LEPR: variants seen among roughly 807,000 people sequenced by gnomAD.
LEPR encodes the protein OB receptor.
LEPR carries 56 observed loss-of-function variants against 114.7 expected under a neutral mutation model. The ratio of observed to expected loss-of-function variants is 0.49; its 90% CI spans 0.39 to 0.61. The LOEUF is 0.61. Ranked by LOEUF, LEPR falls within the 20% of genes least tolerant of loss-of-function variation. The pLI, the probability that LEPR is intolerant of heterozygous loss-of-function variation, is 0.00. For missense variants in LEPR, 1,202 were observed against 1,352.9 expected, an observed-to-expected ratio of 0.89 and a Z score of 1.75; for synonymous variants, 443 against 461.4, an observed-to-expected ratio of 0.96 and a Z score of 0.51.
At chr1:65,484,443 G>A (rs1306387378) in intron 2 of LEPR, among the ~76,000 whole-genome samples, 2 of 151,668 alleles carry the variant, frequency 1.3e-5, no homozygotes, top group Non-Finnish European at 2.9e-5. Context: ...TTAAACTAAT[G>A]ATTTGCTTTC....
At chr1:65,557,442 C>T (rs1652890889) in intron 2 of LEPR, among the ~76,000 whole-genome samples, 1 of 152,098 alleles carries the variant, frequency 6.6e-6, no homozygotes, top group African/African-American at 2.4e-5. Flanking sequence ...TTTATTTAGA[C>T]AGAGTCTCAC....
intron 1 of LEPR, among the ~76,000 whole-genome samples, chr1:65,422,545 A>T (rs1570408952): frequency 6.6e-6 from 1 of 152,224 alleles, no homozygotes; most frequent in African/African-American, 2.4e-5. Context: ...TGCAGGTGGG[A>T]TTGATTCCCC....
chr1:65,592,608 C>T (rs1655782451), intron 5 of LEPR, 49 bp from the exon 6 acceptor site: 1 of 1,591,494 alleles, frequency 6.3e-7, no homozygotes, highest in Admixed American at 1.7e-5. Context: ...AAAGCCTATC[C>T]AGTATTTTCA....
At chr1:65,579,669 A>G (rs1356893241) in intron 5 of LEPR, among the ~76,000 whole-genome samples, 1 of 152,238 alleles carries the variant, frequency 6.6e-6, no homozygotes, top group Non-Finnish European at 1.5e-5. Context: ...TGCCTACTCT[A>G]GACAATTTCT....
intron 11 of LEPR, among the ~76,000 whole-genome samples, chr1:65,608,380 G>A (rs1436037565): frequency 8.6e-5 from 13 of 152,034 alleles, no homozygotes; most frequent in East Asian, 1.9e-4. Context: ...ACAGGCGCCC[G>A]CCACCACGCG....
rs1347121560 is a variant in LEPR at position 65,608,772 on chromosome 1, C to G, written c.1623C>G (p.Ser541=). 8.7e-6 allele frequency: 14 copies of G among 1,613,496 alleles called. No individual in the cohort carries two copies. Among genetic ancestry groups the G allele is most frequent in the Non-Finnish European group, 1.1e-5 (13 of 1,179,740 alleles). Residue 541 remains serine, a synonymous_variant, in exon 12 of 20, where the codon TCC becomes TCG. Transcript: ENST00000349533. ...TTCTAGTGAAGCCACTGCCTCCATC[C>G]AGTGTGAAAGCAGAAATTACTATAA... ...PDSVVKPLPP[S]SVKAEITINI... is the part of the protein sequence containing the mutation.
chr1:65,518,867 CTT>C (rs1456528957), intron 2 of LEPR, among the ~76,000 whole-genome samples: 26 of 140,354 alleles, frequency 1.9e-4, no homozygotes, highest in African/African-American at 6.5e-4. Context: ...TTCTTTCTTT[CTT>C]TCTTTTTCTT....
At chr1:65,620,533 T>C (rs1018995988) in intron 17 of LEPR, among the ~76,000 whole-genome samples, 1 of 152,118 alleles carries the variant, frequency 6.6e-6, no homozygotes, top group Non-Finnish European at 1.5e-5. Context: ...TAATGTCAGA[T>C]AGAAATAAGT....
At chr1:65,593,993 G>C (rs559575684) in intron 6 of LEPR, among the ~76,000 whole-genome samples, 5 of 152,108 alleles carry the variant, frequency 3.3e-5, no homozygotes, top group Non-Finnish European at 5.9e-5. Context: ...GAACTTGAAA[G>C]CTTTCTTAAT....
intron 2 of LEPR, among the ~76,000 whole-genome samples, chr1:65,490,355 A>G (rs900827342): frequency 2.0e-5 from 3 of 152,070 alleles, no homozygotes; most frequent in African/African-American, 7.2e-5. Flanking sequence ...ATGTTACTTT[A>G]AAAAATCTTA....
At chr1:65,531,945 T>C (rs1055480232) in intron 2 of LEPR, among the ~76,000 whole-genome samples, 1 of 152,166 alleles carries the variant, frequency 6.6e-6, no homozygotes, top group African/African-American at 2.4e-5. Flanking sequence ...TTCAACTTTA[T>C]TAGATAATGA....
At chr1:65,608,660 A>T in intron 11 of LEPR, 93 bp from the exon 12 acceptor site, 1 of 1,348,840 alleles carries the variant, frequency 7.4e-7, no homozygotes, top group Non-Finnish European at 1.0e-6. Flanking sequence ...ATATTGCTTG[A>T]TGAATACAGA....
intron 1 of LEPR, 145 bp downstream of exon 1, chr1:65,420,885 C>T: frequency 9.4e-7 from 1 of 1,064,854 alleles, no homozygotes; most frequent in Non-Finnish European, 1.4e-6. Context: ...CGATCGACCG[C>T]TCCCTTCGTC....
At chr1:65,442,137 G>T (rs563639707) in intron 2 of LEPR, among the ~76,000 whole-genome samples, 1 of 152,184 alleles carries the variant, frequency 6.6e-6, no homozygotes, top group East Asian at 1.9e-4. Flanking sequence ...TTGTTGGGAG[G>T]ACTCTGCTAT....
chr1:65,488,743 T>C (rs968226436), intron 2 of LEPR, among the ~76,000 whole-genome samples: 41 of 151,878 alleles, frequency 2.7e-4, no homozygotes, highest in Non-Finnish European at 5.7e-4. Context: ...ATTACTCATT[T>C]CCCCACCCCC....
chr1:65,522,722 C>T (rs1275526466), intron 2 of LEPR, among the ~76,000 whole-genome samples: 1 of 152,132 alleles, frequency 6.6e-6, no homozygotes, highest in Non-Finnish European at 1.5e-5. Context: ...AGTCATGATT[C>T]ATTGTTCCCA....
At chr1:65,550,490 T>C (rs1652224436) in intron 2 of LEPR, among the ~76,000 whole-genome samples, 1 of 152,172 alleles carries the variant, frequency 6.6e-6, no homozygotes, top group Non-Finnish European at 1.5e-5. Context: ...TTCCTGGCTG[T>C]TTTGTTTACC....
At chr1:65,541,403 G>T (rs1651183910) in intron 2 of LEPR, among the ~76,000 whole-genome samples, 1 of 151,938 alleles carries the variant, frequency 6.6e-6, no homozygotes, top group Non-Finnish European at 1.5e-5. Flanking sequence ...TTATCCTTAT[G>T]CATTTTTTAG....
chr1:65,587,257 A>C (rs1655372662), intron 5 of LEPR, among the ~76,000 whole-genome samples: 1 of 152,066 alleles, frequency 6.6e-6, no homozygotes. Context: ...TTCCGACATA[A>C]AACACCACAA....
Sources: gnomAD v4.1 joint callset for allele counts (sites outside exome capture counted in the v4.1 genomes callset) on GRCh38, gnomAD v4.1.1 for gene constraint, MANE v1.5 for transcripts, NCBI Gene and HGNC (gene_info 2026-07-23, HGNC 2026-07-21) for gene names.